Variants in DCX observed in about 807,000 individuals in gnomAD.
The protein encoded by DCX is doublecortin, also known as neuronal migration protein doublecortin.
Under a neutral mutation model 20.9 loss-of-function variants are expected in DCX, and 4 were observed. The observed-to-expected ratio is 0.19, with a 90% CI of 0.09 to 0.44. DCX has a LOEUF of 0.44. Ranked by LOEUF, DCX falls within the 20% of genes least tolerant of loss-of-function variation. The probability of loss-of-function intolerance (pLI) is 0.99; values close to 1 mark genes in which losing one functional copy is unlikely to be tolerated. For synonymous variants in DCX, 103 were observed against 111.4 expected, an observed-to-expected ratio of 0.92 and a Z score of 0.47; for missense variants, 133 against 296.9, an observed-to-expected ratio of 0.45 and a Z score of 4.06.
At chrX:111,359,805 T>G (rs191747965) in intron 3 of DCX, among the ~76,000 whole-genome samples, 136 of 111,954 alleles carry the variant, frequency 1.2e-3, no homozygotes, top group African/African-American at 4.2e-3. Flanking sequence ...AGCAGCAATT[T>G]TATTATTGTT....
intron 3 of DCX, among the ~76,000 whole-genome samples, chrX:111,393,626 A>G (rs1486751071): frequency 8.9e-6 from 1 of 112,011 alleles, no homozygotes; most frequent in Non-Finnish European, 1.9e-5. Flanking sequence ...GAACTCTTAC[A>G]ACTCATTAAT....
chrX:111,343,285 T>C (rs753239730), intron 3 of DCX, among the ~76,000 whole-genome samples: 1 of 109,710 alleles, frequency 9.1e-6, no homozygotes, highest in Non-Finnish European at 1.9e-5. Context: ...CAGAGAATAC[T>C]ATAAACACCT....
rs1416440924 is a variant in DCX, at chrX:111,382,014, A to G, written c.705+18976T>C. On this transcript the variant is annotated intron_variant, in intron 3 of 6. Transcript: ENST00000636035. The stretch of plus-strand genomic sequence containing the variant: ...TAGCAGTCGTTCTCATGCTTTGGCA[A>G]TAGTCAGAATTACTGGCAAAGATTG... Among the ~76,000 whole-genome samples, 4 of 111,816 alleles carry G rather than the reference A, an allele frequency of 3.6e-5. No individual in the cohort carries two copies. In the Admixed American group the frequency reaches 3.8e-4, roughly 11 times the overall value.
intron 3 of DCX, among the ~76,000 whole-genome samples, chrX:111,377,004 G>T (rs1239977525): frequency 8.9e-6 from 1 of 111,760 alleles, no homozygotes; most frequent in Non-Finnish European, 1.9e-5. Flanking sequence ...GAAACTGCTG[G>T]TAAATTTGAA....
chrX:111,343,241 T>A (rs1922461172), intron 3 of DCX, among the ~76,000 whole-genome samples: 1 of 106,736 alleles, frequency 9.4e-6, no homozygotes. Flanking sequence ...AAAGGGGATA[T>A]CACCACTGAC....
intron 3 of DCX, among the ~76,000 whole-genome samples, chrX:111,374,396 A>AT (rs1390756348): frequency 8.9e-6 from 1 of 111,926 alleles, no homozygotes; most frequent in Non-Finnish European, 1.9e-5. Context: ...TCTTTTTTAT[A>AT]TTGCTTATGG....
intron 3 of DCX, among the ~76,000 whole-genome samples, chrX:111,375,646 A>T (rs1487621048): frequency 9.0e-6 from 1 of 111,431 alleles, no homozygotes; most frequent in South Asian, 3.8e-4. Flanking sequence ...TTAAGCAAAA[A>T]CATACTTTAC....
intron 3 of DCX, among the ~76,000 whole-genome samples, chrX:111,370,631 G>A (rs765484114): frequency 9.0e-6 from 1 of 111,010 alleles, no homozygotes; most frequent in South Asian, 3.8e-4. Context: ...CTGTCAGGAC[G>A]CTCTCAGTTC....
At chrX:111,391,001 T>TAAAAGAAAAAAAAAAAAAAAAAAA (rs1926901250) in intron 3 of DCX, among the ~76,000 whole-genome samples, 1 of 82,259 alleles carries the variant, frequency 1.2e-5, no homozygotes. Context: ...GATATCCTGC[T>TAAAAGAAAAAAAAAAAAAAAAAAA]AAAAAAAAAA....
intron 5 of DCX, among the ~76,000 whole-genome samples, 193 bp from the exon 6 acceptor site, chrX:111,312,929 G>A (rs1053525288): frequency 9.0e-6 from 1 of 111,672 alleles, no homozygotes; most frequent in Non-Finnish European, 1.9e-5. Flanking sequence ...CAGTTAATTG[G>A]ATCCCTATGC....
At chrX:111,388,136 C>T (rs1314137125) in intron 3 of DCX, among the ~76,000 whole-genome samples, 1 of 111,763 alleles carries the variant, frequency 8.9e-6, no homozygotes, top group East Asian at 2.8e-4. Flanking sequence ...ACTTTAATGC[C>T]TATGATCAAT....
At chrX:111,357,195 C>A (rs751610689) in intron 3 of DCX, among the ~76,000 whole-genome samples, 39 of 111,815 alleles carry the variant, frequency 3.5e-4, no homozygotes, top group African/African-American at 1.0e-3. Context: ...TGAGAAATAG[C>A]ATGACATAGT....
intron 3 of DCX, among the ~76,000 whole-genome samples, chrX:111,355,602 C>T (rs905968641): frequency 1.8e-5 from 2 of 111,658 alleles, no homozygotes; most frequent in Admixed American, 1.9e-4. Context: ...AATTCAAGGG[C>T]AGATGTGCAT....
At chrX:111,332,761 G>T (rs1157515193) in intron 4 of DCX, among the ~76,000 whole-genome samples, 1 of 112,006 alleles carries the variant, frequency 8.9e-6, no homozygotes, top group African/African-American at 3.2e-5. Context: ...TGGTCTGATT[G>T]TGCCTGTTAT....
At position 111,319,340 on chromosome X, in the gene DCX, C is replaced by A. The variant is rs369159876; in HGVS notation, c.947-6604G>T. On this transcript the variant is annotated intron_variant, in intron 5 of 6. Transcript: ENST00000636035. ...GGATGATGATGGTTCACTAAGGCCA[C>A]GGGGGAGGGAGAGAATGAACACCAT... Among the ~76,000 whole-genome samples, 6 of 110,755 alleles carry A rather than the reference C, an allele frequency of 5.4e-5. No individual in the cohort carries two copies. The Admixed American group carries it at 5.7e-4, about 11-fold the overall frequency.
intron 3 of DCX, among the ~76,000 whole-genome samples, chrX:111,373,265 C>A (rs1312566099): frequency 8.9e-6 from 1 of 111,778 alleles, no homozygotes; most frequent in Admixed American, 9.5e-5. Flanking sequence ...GGGCTGAGCA[C>A]ACCATTTAGA....
chrX:111,382,393 T>C (rs1926041713), intron 3 of DCX, among the ~76,000 whole-genome samples: 1 of 112,347 alleles, frequency 8.9e-6, no homozygotes, highest in Non-Finnish European at 1.9e-5. Context: ...CCAGTGATTC[T>C]GATGCACAGC....
intron 3 of DCX, among the ~76,000 whole-genome samples, chrX:111,357,589 G>A: frequency 9.0e-6 from 1 of 110,715 alleles, no homozygotes; most frequent in East Asian, 2.9e-4. Flanking sequence ...GACCAGCCTG[G>A]GCAACATAGT....
intron 6 of DCX, among the ~76,000 whole-genome samples, chrX:111,309,706 C>T (rs1438324715): frequency 9.0e-6 from 1 of 111,265 alleles, no homozygotes; most frequent in Non-Finnish European, 1.9e-5. Context: ...AAATAACTGG[C>T]CTGGACCTTT....
Sources: allele counts gnomAD v4.1 joint callset (sites outside exome capture counted in the v4.1 genomes callset), GRCh38; gene constraint gnomAD v4.1.1; transcripts MANE v1.5; gene names NCBI Gene and HGNC (gene_info 2026-07-23, HGNC 2026-07-21).